The following TSPYL2 variants were observed in gnomAD, a reference collection of about 807,000 sequenced individuals.
TSPYL2 encodes the protein testis-specific Y-encoded-like protein 2.
Under a neutral mutation model 33.0 loss-of-function variants are expected in TSPYL2, and 9 were observed. The ratio of observed to expected loss-of-function variants is 0.27; its 90% CI spans 0.16 to 0.48. The LOEUF is 0.48. Among genes scored for constraint, TSPYL2 ranks in the 20% least tolerant of loss-of-function variants. TSPYL2 has a pLI of 0.99. For synonymous variants in TSPYL2, 330 were observed against 233.6 expected (o/e 1.41, Z -3.77); for missense variants, 636 against 586.2 (o/e 1.08, Z -0.88).
In TSPYL2 at chrX:53,082,710, C is replaced by A; in HGVS notation, c.212C>A (p.Pro71His). ...MRGVGLGPAL[P>H]PPPPYVILEE... Reference sequence around the variant, plus strand: ...GGGGTGGGACTGGGCCCCGCGCTGCCCCCGCCGCCTCCCTATGTCATTCTC... The same window carrying A: ...GGGGTGGGACTGGGCCCCGCGCTGCACCCGCCGCCTCCCTATGTCATTCTC... The change falls in exon 1 of 7, where the codon CCC becomes CAC. Residue 71 changes from proline (P) to histidine (H), a missense_variant. Transcript: ENST00000375442. 3.5e-6 allele frequency: 4 copies of A among 1,148,826 alleles called. No individual in the cohort carries two copies. The highest frequency in any genetic ancestry group is 3.5e-6 in the Non-Finnish European group (3 of 867,805). The allele number at this position is 1,148,826 out of a possible 1,213,427, so 94.7% of individuals were successfully genotyped here.
At chrX:53,083,976 C>T (rs1290190981) in intron 1 of TSPYL2, among the ~76,000 whole-genome samples, 3 of 111,768 alleles carry the variant, frequency 2.7e-5, no homozygotes, top group Non-Finnish European at 5.7e-5. Context: ...AGTCGAACAT[C>T]CTAATAGAAT....
Position 53,087,974 on chromosome X carries a change from C to A in TSPYL2, c.*35C>A. 1 of 1,187,080 alleles carries A rather than the reference C, an allele frequency of 8.4e-7. No individual in the cohort carries two copies. Among genetic ancestry groups the A allele is most frequent in the Non-Finnish European group, 1.1e-6 (1 of 877,199 alleles). On this transcript the variant is annotated 3_prime_UTR_variant, in exon 7 of 7. Coordinates refer to ENST00000375442, the MANE Select transcript of TSPYL2 (RefSeq NM_022117.4). ...CCTTTTGGGGATCACCTCTCTGTAT[C>A]CCCCACCCACTATCCCATTTGCCCT... is the stretch of plus-strand genomic sequence containing the variant.
chrX:53,082,520 C>T lies in TSPYL2; in HGVS notation c.22C>T (p.Pro8Ser). The T allele has an allele frequency of 8.6e-7, 1 of 1,160,394 alleles. No homozygotes were observed. MDRPDEG[P>S]PAKTRRLSSS... ...CGCCATGGACCGCCCAGATGAGGGG[C>T]CTCCGGCCAAGACCCGCCGCCTGAG... Residue 8 changes from proline to serine, a missense_variant, in exon 1 of 7, where the codon CCT becomes TCT. Physicochemically the swap from Pro to Ser is moderately conservative, Grantham distance 74. Transcript: ENST00000375442.
In TSPYL2 at chrX:53,083,404, G is replaced by C. The variant is rs1007915809; in HGVS notation, c.807+99G>C. 2.6e-4 allele frequency: 221 copies of C among 835,798 alleles called. 1 individual carries two copies. Among genetic ancestry groups the C allele is most frequent in the Non-Finnish European group, 3.7e-4 (217 of 578,917 alleles). The allele number at this position is 835,798 out of a possible 1,213,427, so 68.9% of individuals were successfully genotyped here. A position where few individuals can be genotyped will look rare whatever the true frequency, so the allele number is the denominator to read the frequency against. On this transcript the variant is annotated intron_variant, in intron 1 of 6. Transcript: ENST00000375442. ...AGGTAAAGCGGGTGGAGGAGAGCCA[G>C]AGGTGGGCATGATCCCCCTATCGGA...
In TSPYL2 at chrX:53,086,036, C is replaced by G; in HGVS notation, c.1644C>G (p.Phe548Leu). ...TYGNNFFKGG[F>L]WGSHGNNQDS... ...GCAACAACTTCTTCAAAGGTGGCTT[C>G]TGGGGCAGCCATGGCAACAACCAGG... The change falls in exon 6 of 7, where the codon TTC becomes TTG. Residue 548 changes from phenylalanine to leucine, a missense_variant. Physicochemically the swap from Phe to Leu is conservative, Grantham distance 22. Around this residue, in one of 3 missense-constraint regions of TSPYL2, gnomAD observed 401 missense variants for 363.0 expected, o/e 1.10. Transcript: ENST00000375442. 8.5e-7 allele frequency: 1 copy of G among 1,172,262 alleles called. No individual in the cohort carries two copies. The highest frequency in any genetic ancestry group is 1.1e-6 in the Non-Finnish European group (1 of 875,590).
chrX:53,087,732 A>G, intron 6 of TSPYL2, 44 bp from the exon 7 acceptor site: 1 of 1,166,786 alleles, frequency 8.6e-7, no homozygotes, highest in South Asian at 1.9e-5. Context: ...TGCTCATCTA[A>G]CTGCCTTCCT....
intron 1 of TSPYL2, 55 bp downstream of exon 1, chrX:53,083,360 G>T (rs1932674852): frequency 9.3e-6 from 10 of 1,078,052 alleles, no homozygotes; most frequent in Non-Finnish European, 1.3e-5. Context: ...GAAAGGGGAA[G>T]GTGGGGGAGG....
Position 53,082,606 on chromosome X carries a change from A to G in TSPYL2, c.108A>G (p.Arg36=). 1 of 1,152,255 alleles carries G rather than the reference A, an allele frequency of 8.7e-7. No homozygotes were observed. The highest frequency in any genetic ancestry group is 1.2e-6 in the Non-Finnish European group (1 of 869,536). 95.0% of individuals were successfully genotyped at this position (1,152,255 alleles called of 1,213,427 possible). A position where few individuals can be genotyped will look rare whatever the true frequency, so the allele number is the denominator to read the frequency against. Residue 36 remains arginine, a synonymous_variant, in exon 1 of 7, where the codon CGA becomes CGG. Coordinates refer to ENST00000375442, the MANE Select transcript of TSPYL2 (RefSeq NM_022117.4). Reference sequence around the variant, plus strand: ...CGCCGCCGCCGCCGCCGCTCCTCCGACTGCCGCTGCCTCCACCCCAGCAGC... The same window carrying G: ...CGCCGCCGCCGCCGCCGCTCCTCCGGCTGCCGCTGCCTCCACCCCAGCAGC... ...PPPPPPPPLL[R]LPLPPPQQRP...
chrX:53,082,862 G>A lies in TSPYL2; in HGVS notation c.364G>A (p.Glu122Lys), dbSNP rs1932654740. 1 of 1,207,732 alleles carries A rather than the reference G, an allele frequency of 8.3e-7. No individual in the cohort carries two copies. Among genetic ancestry groups the A allele is most frequent in the Non-Finnish European group, 1.1e-6 (1 of 894,281 alleles). ...GAGCCTGGAAGCACTCCCCACTCCT[G>A]AGGCCTCGGGGGGGAGCCTGGAAAT... ...TESLEALPTP[E>K]ASGGSLEIDF... is the part of the protein sequence containing the mutation. The change falls in exon 1 of 7, where the codon GAG becomes AAG. Residue 122 changes from glutamate (E) to lysine (K), a missense_variant. Physicochemically the swap from Glu to Lys is moderately conservative, Grantham distance 56 (BLOSUM62 1). Coordinates refer to ENST00000375442, the MANE Select transcript of TSPYL2 (RefSeq NM_022117.4).
chrX:53,082,578 C>G lies in TSPYL2; in HGVS notation c.80C>G (p.Pro27Arg). 1.9e-6 allele frequency: 2 copies of G among 1,052,564 alleles called. No homozygotes were observed. The highest frequency in any genetic ancestry group is 2.5e-6 in the Non-Finnish European group (2 of 808,980). The allele number at this position is 1,052,564 out of a possible 1,213,427, so 86.7% of individuals were successfully genotyped here. ...SSESPQRDPP[P>R]PPPPPPLLRL... ...GAGTCTCCACAGCGCGACCCGCCCC[C>G]GCCGCCGCCGCCGCCGCCGCTCCTC... The change falls in exon 1 of 7, where the codon CCG becomes CGG. Residue 27 changes from proline (P) to arginine (R), a missense_variant. Around this residue, in one of 3 missense-constraint regions of TSPYL2, gnomAD observed 231 missense variants for 201.6 expected, o/e 1.15. Transcript: ENST00000375442.
At position 53,088,118 on chromosome X, in the gene TSPYL2, A is replaced by T; in HGVS notation, c.*179A>T. ...ATTGCAGAGTTCTTATTTTGGGGGG[A>T]GGGAAAGGGGGCTAGTCCCCTTCTT... On this transcript the variant is annotated 3_prime_UTR_variant, in exon 7 of 7. Coordinates refer to ENST00000375442, the MANE Select transcript of TSPYL2 (RefSeq NM_022117.4). The T allele has an allele frequency of 2.2e-6, 1 of 457,918 alleles. No homozygotes were observed. The highest frequency in any genetic ancestry group is 3.7e-6 in the Non-Finnish European group (1 of 272,379). The allele number at this position is 457,918 out of a possible 1,213,427, so 37.7% of individuals were successfully genotyped here.
At chrX:53,087,251 G>C (rs1385276113) in intron 6 of TSPYL2, 1 of 113,019 alleles carries the variant, frequency 8.8e-6, no homozygotes, top group African/African-American at 3.3e-5. Context: ...GTTCAGGTAG[G>C]AGAGAGAAAC....
chrX:53,085,148 C>T (rs1556808107), intron 4 of TSPYL2, 49 bp downstream of exon 4: 4 of 1,190,472 alleles, frequency 3.4e-6, no homozygotes. Context: ...AGGCTTGTTC[C>T]TGGGTGCGTG....
Position 53,086,112 on chromosome X carries a change from A to G in TSPYL2, c.1720A>G (p.Asn574Asp). 1.7e-6 allele frequency: 2 copies of G among 1,180,696 alleles called. No individual in the cohort carries two copies. Among genetic ancestry groups the G allele is most frequent in the Non-Finnish European group, 2.3e-6 (2 of 879,779 alleles). The change falls in exon 6 of 7, where the codon AAT becomes GAT. Residue 574 changes from asparagine to aspartate, a missense_variant. Asn to Asp is a conservative substitution (Grantham distance 23, BLOSUM62 1). This residue lies in a region of TSPYL2 where 401 missense variants were observed against 363.0 expected (regional missense o/e 1.10). Transcript: ENST00000375442. ...EADEASDDED[N>D]DGNEGDNEGS... ...AGATGAGGCCAGTGATGATGAAGAT[A>G]ATGATGGCAACGAAGGTGACAATGA...
At chrX:53,083,348 A>T in intron 1 of TSPYL2, 43 bp downstream of exon 1, 17 of 1,063,241 alleles carry the variant, frequency 1.6e-5, no homozygotes, top group Non-Finnish European at 2.1e-5. Context: ...AGCCCGTGAC[A>T]GGAAAGGGGA....
At position 53,084,879 on chromosome X, in the gene TSPYL2, A is replaced by G; in HGVS notation, c.997+13A>G. 1 of 1,209,090 alleles carries G rather than the reference A, an allele frequency of 8.3e-7. No individual in the cohort carries two copies. Among genetic ancestry groups the G allele is most frequent in the East Asian group, 3.0e-5 (1 of 33,847 alleles). ...CGCAACCGCTCAGGTAAGTGGCAGT[A>G]CCAGAGTAAATCCATGTTCCCCCCC... On this transcript the variant is annotated intron_variant, in intron 3 of 6. Transcript: ENST00000375442.
chrX:53,085,895 C>T lies in TSPYL2; in HGVS notation c.1503C>T (p.Asp501=), dbSNP rs1204423083. ...ETTDNNESAD[D]HETTDNNESA... is the part of the protein sequence containing the mutation. The stretch of plus-strand genomic sequence containing the variant: ...CTGATAACAACGAGAGTGCTGATGA[C>T]CACGAAACCACTGACAACAATGAGA... Residue 501 remains aspartate (D), a synonymous_variant, in exon 6 of 7, where the codon GAC becomes GAT. Transcript: ENST00000375442. The T allele has an allele frequency of 3.3e-6, 4 of 1,209,352 alleles. No homozygotes were observed. The highest frequency in any genetic ancestry group is 4.5e-6 in the Non-Finnish European group (4 of 895,099).
In TSPYL2 at chrX:53,083,422, C is replaced by T. The variant is rs186921136; in HGVS notation, c.807+117C>T. On this transcript the variant is annotated intron_variant, in intron 1 of 6. Transcript: ENST00000375442. ...AGAGCCAGAGGTGGGCATGATCCCC[C>T]TATCGGAAGACGGACTAGACTGGGT... 99 of 702,291 alleles carry T rather than the reference C, an allele frequency of 1.4e-4. No homozygotes were observed. The African/African-American group carries it at 2.0e-3, about 14-fold the overall frequency. The allele number at this position is 702,291 out of a possible 1,213,427, so 57.9% of individuals were successfully genotyped here.
chrX:53,084,893 A>G lies in TSPYL2; in HGVS notation c.997+27A>G, dbSNP rs1556807991. 4 of 1,206,916 alleles carry G rather than the reference A, an allele frequency of 3.3e-6. No homozygotes were observed. The Admixed American group carries it at 6.6e-5, about 20-fold the overall frequency. The stretch of plus-strand genomic sequence containing the variant: ...TAAGTGGCAGTACCAGAGTAAATCC[A>G]TGTTCCCCCCCTCAATCTGTCCTTG... On this transcript the variant is annotated intron_variant, in intron 3 of 6. Transcript: ENST00000375442.
Sources: allele counts gnomAD v4.1 joint callset (sites outside exome capture counted in the v4.1 genomes callset), GRCh38; gene constraint gnomAD v4.1.1; regional missense constraint gnomAD v4.1.1; transcripts MANE v1.5; gene names NCBI Gene and HGNC (gene_info 2026-07-23, HGNC 2026-07-21).